KCNN2: variants seen among roughly 807,000 people sequenced by gnomAD.
The protein encoded by KCNN2 is potassium calcium-activated channel subfamily N member 2.
In KCNN2, 24 loss-of-function variants were observed where a neutral mutation model predicts 55.5. The observed-to-expected ratio is 0.43, with a 90% CI of 0.31 to 0.61. The LOEUF is 0.61. Among genes scored for constraint, KCNN2 ranks in the 20% least tolerant of loss-of-function variants. The probability of loss-of-function intolerance (pLI) is 0.08; values close to 1 mark genes in which losing one functional copy is unlikely to be tolerated. For missense variants in KCNN2, 754 were observed against 853.6 expected (o/e 0.88, Z 1.45); for synonymous variants, 431 against 336.1 (o/e 1.28, Z -3.09).
chr5:114,198,465 C>T (rs890244138), intron 1 of KCNN2, among the ~76,000 whole-genome samples: 37 of 135,862 alleles, frequency 2.7e-4, no homozygotes, highest in African/African-American at 1.2e-3. Context: ...TATACATATA[C>T]ACACACACAC....
intron 1 of KCNN2, among the ~76,000 whole-genome samples, chr5:114,095,863 CACTGTGCTGAGAAT>C (rs1281439569): frequency 6.6e-6 from 1 of 152,052 alleles, no homozygotes; most frequent in Non-Finnish European, 1.5e-5. Flanking sequence ...ATCCTTTGTA[CACTGTGCTGAGAAT>C]AGTCCAGTTG....
chr5:114,213,118 T>G (rs1249923084), intron 1 of KCNN2, among the ~76,000 whole-genome samples: 2 of 152,008 alleles, frequency 1.3e-5, no homozygotes, highest in Non-Finnish European at 1.5e-5. Flanking sequence ...CCTCTAGCTC[T>G]CAAGGCCATT....
intron 1 of KCNN2, among the ~76,000 whole-genome samples, chr5:114,088,442 T>C (rs1478300607): frequency 3.3e-5 from 5 of 152,038 alleles, no homozygotes; most frequent in Admixed American, 6.6e-5. Context: ...GGGACTCCAG[T>C]TACAGCTGTG....
chr5:114,200,709 T>A (rs1380774197), intron 1 of KCNN2, among the ~76,000 whole-genome samples: 1 of 152,116 alleles, frequency 6.6e-6, no homozygotes, highest in Non-Finnish European at 1.5e-5. Context: ...TGTATATATC[T>A]GTTGTTGAGT....
At chr5:114,069,638 A>G (rs536627169) in intron 1 of KCNN2, among the ~76,000 whole-genome samples, 5 of 152,328 alleles carry the variant, frequency 3.3e-5, no homozygotes, top group South Asian at 2.1e-4. Context: ...GAAAGTCTCA[A>G]AGTTAATAAA....
At chr5:114,382,042 T>A (rs1166063669) in intron 2 of KCNN2, among the ~76,000 whole-genome samples, 1 of 152,236 alleles carries the variant, frequency 6.6e-6, no homozygotes, top group Non-Finnish European at 1.5e-5. Context: ...AAATGACAGA[T>A]TGTTATCCTG....
intron 2 of KCNN2, among the ~76,000 whole-genome samples, chr5:114,221,810 G>A (rs1287154891): frequency 6.6e-6 from 1 of 152,164 alleles, no homozygotes. Flanking sequence ...GTAAACAAAT[G>A]TATTTTCATT....
chr5:114,300,085 C>T (rs1196455998), intron 2 of KCNN2, among the ~76,000 whole-genome samples: 7 of 152,120 alleles, frequency 4.6e-5, no homozygotes, highest in East Asian at 3.9e-4. Context: ...CATAGTCAGA[C>T]GCTCCTTTCC....
chr5:114,161,328 C>T (rs1752775676), intron 1 of KCNN2, among the ~76,000 whole-genome samples: 1 of 146,900 alleles, frequency 6.8e-6, no homozygotes, highest in Non-Finnish European at 1.5e-5. Flanking sequence ...TGAATATTGG[C>T]CCCCACTCTC....
intron 3 of KCNN2, among the ~76,000 whole-genome samples, chr5:114,443,133 A>C (rs1468120237): frequency 2.0e-5 from 3 of 152,098 alleles, no homozygotes; most frequent in Non-Finnish European, 4.4e-5. Flanking sequence ...TTTGCTAAAA[A>C]TACAAAAATT....
chr5:114,363,738 G>T (rs755380076), intron 1 of KCNN2, among the ~76,000 whole-genome samples, 168 bp from the exon 2 acceptor site: 11 of 152,160 alleles, frequency 7.2e-5, no homozygotes, highest in Non-Finnish European at 2.9e-5. Context: ...TTGGTTTTGA[G>T]GCCGAGTGAT....
At chr5:114,241,987 C>A (rs995148217) in intron 2 of KCNN2, among the ~76,000 whole-genome samples, 1 of 151,156 alleles carries the variant, frequency 6.6e-6, no homozygotes, top group East Asian at 2.0e-4. Context: ...GGCTAAAGGG[C>A]CTCCCACAAT....
chr5:114,136,168 C>T (rs1752170205), intron 1 of KCNN2, among the ~76,000 whole-genome samples: 1 of 152,136 alleles, frequency 6.6e-6, no homozygotes, highest in African/African-American at 2.4e-5. Flanking sequence ...GCAATAGCCT[C>T]TAGTTTAAGA....
At chr5:114,372,786 T>G (rs1288370483) in intron 2 of KCNN2, among the ~76,000 whole-genome samples, 2 of 152,136 alleles carry the variant, frequency 1.3e-5, no homozygotes, top group African/African-American at 4.8e-5. Flanking sequence ...ATTCTCTTCA[T>G]GTAACTTTTT....
At chr5:114,277,374 A>G (rs1755513429) in intron 2 of KCNN2, among the ~76,000 whole-genome samples, 1 of 151,832 alleles carries the variant, frequency 6.6e-6, no homozygotes, top group African/African-American at 2.4e-5. Flanking sequence ...CTGAATTTGG[A>G]TGTTGGCCTG....
At chr5:114,117,204 C>G (rs1325189391) in intron 1 of KCNN2, among the ~76,000 whole-genome samples, 1 of 152,184 alleles carries the variant, frequency 6.6e-6, no homozygotes, top group Non-Finnish European at 1.5e-5. Flanking sequence ...TAGGATCCAG[C>G]TGGGAGTTTT....
At chr5:114,090,460 A>AGGTTTAT (rs1751114788) in intron 1 of KCNN2, among the ~76,000 whole-genome samples, 1 of 152,016 alleles carries the variant, frequency 6.6e-6, no homozygotes, top group South Asian at 2.1e-4. Flanking sequence ...AAATATTCAC[A>AGGTTTAT]GGTTTATGTG....
At chr5:114,118,328 G>C (rs1751759333) in intron 1 of KCNN2, among the ~76,000 whole-genome samples, 1 of 152,042 alleles carries the variant, frequency 6.6e-6, no homozygotes, top group Non-Finnish European at 1.5e-5. Context: ...TCATTCATGA[G>C]AAAAAGAAAG....
chr5:114,148,907 G>A (rs1396774207), intron 1 of KCNN2, among the ~76,000 whole-genome samples: 1 of 152,018 alleles, frequency 6.6e-6, no homozygotes, highest in African/African-American at 2.4e-5. Context: ...AGTTGAAGAG[G>A]ATCACCAGAC....
Sources: gnomAD v4.1 joint callset for allele counts (sites outside exome capture counted in the v4.1 genomes callset) on GRCh38, gnomAD v4.1.1 for gene constraint, MANE v1.5 for transcripts, NCBI Gene and HGNC (gene_info 2026-07-23, HGNC 2026-07-21) for gene names.